The following ABCC2 variants were observed in gnomAD, a reference collection of about 807,000 sequenced individuals.
ABCC2 encodes the protein ATP-binding cassette sub-family C member 2.
A neutral mutation model predicts 173.4 loss-of-function variants in ABCC2; 157 were observed. The ratio of observed to expected loss-of-function variants is 0.91; its 90% confidence interval spans 0.80 to 1.03. ABCC2 has a LOEUF of 1.03. Ranked by LOEUF, ABCC2 falls within the 50% of genes least tolerant of loss-of-function variation. The pLI is 0.00. For missense variants in ABCC2, 1,822 were observed against 1,852.3 expected (o/e 0.98, Z 0.30); for synonymous variants, 657 against 693.5 (o/e 0.95, Z 0.83).
At chr10:99,813,255 C>A (rs2038248373) in intron 16 of ABCC2, 111 bp downstream of exon 16, 4 of 1,373,212 alleles carry the variant, frequency 2.9e-6, no homozygotes, top group Non-Finnish European at 4.0e-6. Flanking sequence ...GTCTTGGAGA[C>A]ATCCGATAGA....
intron 17 of ABCC2, among the ~76,000 whole-genome samples, chr10:99,818,128 CAGG>C (rs1241485674): frequency 6.6e-6 from 1 of 151,646 alleles, no homozygotes; most frequent in Non-Finnish European, 1.5e-5. Flanking sequence ...GAGGCTGAGA[CAGG>C]AGAATTGCTT....
rs2039089537 is a variant in ABCC2 at position 99,851,616 on chromosome 10, CA to C, written c.4624del (p.Ser1542AlafsTer46). ...AKEAGIENVN[S>X]TKF ...AGGAAGCTGGCATTGAGAATGTGAACAGCACAAAATTCTAGCAGAAGGCCCC... is the reference window on the plus strand; with the variant it reads ...AGGAAGCTGGCATTGAGAATGTGAACGCACAAAATTCTAGCAGAAGGCCCC... On this transcript the variant is annotated frameshift_variant, in exon 32 of 32. Coordinates refer to ENST00000647814, the MANE Select transcript of ABCC2 (RefSeq NM_000392.5). LOFTEE classifies it high-confidence loss of function. The C allele has an allele frequency of 6.8e-6, 11 of 1,614,038 alleles. No individual in the cohort carries two copies. Among genetic ancestry groups the C allele is most frequent in the Non-Finnish European group, 9.3e-6 (11 of 1,179,976 alleles).
At chr10:99,797,671 C>T (rs1216892595) in intron 7 of ABCC2, 4 of 329,224 alleles carry the variant, frequency 1.2e-5, no homozygotes, top group Non-Finnish European at 2.3e-5. Context: ...TTATTGAGCA[C>T]AACTGTGTGT....
intron 12 of ABCC2, 80 bp from the exon 13 acceptor site, chr10:99,808,003 T>C: frequency 6.5e-7 from 1 of 1,541,734 alleles, no homozygotes; most frequent in Non-Finnish European, 8.9e-7. Flanking sequence ...TCAACTCTGA[T>C]ATATGGTGTT....
At chr10:99,802,125 G>T (rs1206790987) in intron 9 of ABCC2, among the ~76,000 whole-genome samples, 1 of 149,590 alleles carries the variant, frequency 6.7e-6, no homozygotes, top group Admixed American at 6.6e-5. Flanking sequence ...CACTATTTTG[G>T]TTCTTAATAT....
At chr10:99,798,603 C>T (rs1027778784) in intron 7 of ABCC2, among the ~76,000 whole-genome samples, 1 of 152,164 alleles carries the variant, frequency 6.6e-6, no homozygotes, top group African/African-American at 2.4e-5. Context: ...CATTCCTTAA[C>T]TTCTGGATGC....
chr10:99,817,278 T>A lies in ABCC2; in HGVS notation c.2095-30T>A, dbSNP rs79956128. On this transcript the variant is annotated intron_variant, in intron 16 of 31. Transcript: ENST00000647814. ...AACCCTGCGTTTCTGGAGGTGCAGC[T>A]GTAACATGATCTGATCCTTTTTCAT... The A allele has an allele frequency of 5.8e-3, 9,277 of 1,613,248 alleles. 139 individuals are homozygous for A. Among genetic ancestry groups the A allele is most frequent in the African/African-American group, 0.049 (3,686 of 75,030 alleles).
At chr10:99,817,122 G>A (rs1479054902) in intron 16 of ABCC2, among the ~76,000 whole-genome samples, 186 bp from the exon 17 acceptor site, 1 of 152,178 alleles carries the variant, frequency 6.6e-6, no homozygotes, top group Non-Finnish European at 1.5e-5. Context: ...ATGGTGAAGA[G>A]GATATTGAGT....
At position 99,807,537 on chromosome 10, in the gene ABCC2, G is replaced by A. The variant is rs2038134218; in HGVS notation, c.1668+16G>A. 1.2e-6 allele frequency: 2 copies of A among 1,613,926 alleles called. No homozygotes were observed. The highest frequency in any genetic ancestry group is 1.3e-5 in the African/African-American group (1 of 74,918). On this transcript the variant is annotated intron_variant, in intron 12 of 31. Transcript: ENST00000647814. ...TCCAGTCCTGGTGAGTAGCAGAGGG[G>A]TCCATGGGCTGCGTATTCACCTGGA... is the stretch of plus-strand genomic sequence containing the variant.
intron 17 of ABCC2, among the ~76,000 whole-genome samples, chr10:99,817,747 G>A (rs1299375857): frequency 6.6e-6 from 1 of 152,218 alleles, no homozygotes; most frequent in Non-Finnish European, 1.5e-5. Context: ...GCCATGAGAA[G>A]TTAACAGTGA....
At chr10:99,834,026 A>G (rs576172015) in intron 23 of ABCC2, among the ~76,000 whole-genome samples, 5 of 152,210 alleles carry the variant, frequency 3.3e-5, no homozygotes, top group South Asian at 2.1e-4. Flanking sequence ...TTGGTCCTCT[A>G]TGCTTAGCAG....
At chr10:99,803,923 A>T (rs1477799984) in intron 9 of ABCC2, 96 bp from the exon 10 acceptor site, 1 of 1,520,984 alleles carries the variant, frequency 6.6e-7, no homozygotes, top group Non-Finnish European at 9.1e-7. Context: ...TATGGAGCAC[A>T]TCCTTCCATT....
rs573920082 is a variant in ABCC2 at position 99,852,116 on chromosome 10, CA to C, written c.*487del. 4 of 161,400 alleles carry C rather than the reference CA, an allele frequency of 2.5e-5. 1 individual carries two copies. In the South Asian group the frequency reaches 6.6e-4, roughly 27 times the overall value. The allele number at this position is 161,400 out of a possible 1,614,324, so 10.0% of individuals were successfully genotyped here. On this transcript the variant is annotated 3_prime_UTR_variant, in exon 32 of 32. Transcript: ENST00000647814. Reference sequence around the variant, plus strand: ...AGTCTGGCATTGTATGAATACAGCACAATGTATCAGTTTTAATATTGGGGAT... The same window carrying C: ...AGTCTGGCATTGTATGAATACAGCACATGTATCAGTTTTAATATTGGGGAT...
chr10:99,844,247 A>T (rs2038984375), intron 27 of ABCC2, 75 bp from the exon 28 acceptor site: 1 of 1,572,976 alleles, frequency 6.4e-7, no homozygotes, highest in South Asian at 1.1e-5. Context: ...CTGTTCTATG[A>T]CACGAGTCCT....
chr10:99,815,222 T>G (rs971703840), intron 16 of ABCC2, among the ~76,000 whole-genome samples: 2 of 152,246 alleles, frequency 1.3e-5, no homozygotes, highest in African/African-American at 4.8e-5. Context: ...CTGTGTTAGT[T>G]TGCTGAGGAT....
intron 8 of ABCC2, 76 bp from the exon 9 acceptor site, chr10:99,800,310 C>G: frequency 6.7e-7 from 1 of 1,482,034 alleles, no homozygotes; most frequent in Admixed American, 1.7e-5. Context: ...ATAGTGTAGT[C>G]TAGCTGGCTG....
At chr10:99,828,554 G>A (rs1179500276) in intron 19 of ABCC2, among the ~76,000 whole-genome samples, 1 of 152,162 alleles carries the variant, frequency 6.6e-6, no homozygotes, top group Non-Finnish European at 1.5e-5. Flanking sequence ...CCGGTGGTTT[G>A]GTGATCTTTG....
rs760027436 is a variant in ABCC2, at chr10:99,846,946, T to C, written c.4147-15T>C. On this transcript the variant is annotated splice_polypyrimidine_tract_variant and intron_variant, in intron 29 of 31. Coordinates refer to ENST00000647814, the MANE Select transcript of ABCC2 (RefSeq NM_000392.5). ...GGCATGAGCCCCAACAGCCCCCTTG[T>C]CCTTTCACTTGCAGGACCCCATCCT... The C allele has an allele frequency of 1.2e-5, 20 of 1,613,944 alleles. No individual in the cohort carries two copies. The highest frequency in any genetic ancestry group is 1.6e-5 in the Non-Finnish European group (19 of 1,179,974).
At chr10:99,830,455 C>A (rs1374610987) in intron 20 of ABCC2, 22 bp downstream of exon 20, 9 of 1,614,160 alleles carry the variant, frequency 5.6e-6, no homozygotes, top group Non-Finnish European at 7.6e-6. Context: ...ATTCAGCTGG[C>A]AGCCCTCGTC....
Sources: allele counts gnomAD v4.1 joint callset (sites outside exome capture counted in the v4.1 genomes callset), GRCh38; gene constraint gnomAD v4.1.1; transcripts MANE v1.5; gene names NCBI Gene and HGNC (gene_info 2026-07-23, HGNC 2026-07-21).